The following RPF1 variants were observed in gnomAD, a reference collection of about 807,000 sequenced individuals.
RPF1 encodes the protein ribosome production factor 1 homolog, also known as ribosome production factor 1.
A neutral mutation model predicts 41.9 loss-of-function variants in RPF1; 34 were observed. That is an observed-to-expected ratio of 0.81 (90% confidence interval 0.62 to 1.08). The LOEUF (loss-of-function observed/expected upper bound fraction) is 1.08. Ranked by LOEUF, RPF1 falls within the 50% of genes least tolerant of loss-of-function variation. The probability of loss-of-function intolerance (pLI) is 0.00; values close to 1 mark genes in which losing one functional copy is unlikely to be tolerated. For synonymous variants in RPF1, 140 were observed against 148.9 expected, an observed-to-expected ratio of 0.94 and a Z score of 0.43; for missense variants, 425 against 435.2, an observed-to-expected ratio of 0.98 and a Z score of 0.21.
chr1:84,485,337 G>A (rs1444741036), intron 3 of RPF1, among the ~76,000 whole-genome samples: 5 of 152,146 alleles, frequency 3.3e-5, no homozygotes, highest in African/African-American at 7.2e-5. Flanking sequence ...GAGCTCAGGC[G>A]ATCCTCCCAC....
chr1:84,490,894 T>C (rs1681822643), intron 5 of RPF1, among the ~76,000 whole-genome samples: 1 of 152,032 alleles, frequency 6.6e-6, no homozygotes, highest in African/African-American at 2.4e-5. Context: ...TGGATCTAGA[T>C]GGATGAGGGT....
At position 84,479,441 on chromosome 1, in the gene RPF1, A is replaced by G. The variant is rs201526883; in HGVS notation, c.160A>G (p.Ile54Val). ...GGCTGCCTTTCCGCCAGGCTTTAGC[A>G]TTTCGGAGATTAAAAACAAACAGCG... ...KAAAFPPGFSISEIKNKQRRH... is the reference protein window; with the variant it reads ...KAAAFPPGFSVSEIKNKQRRH... Residue 54 changes from isoleucine to valine, a missense_variant, in exon 1 of 9, where the codon ATT becomes GTT. Physicochemically the swap from Ile to Val is conservative, Grantham distance 29. Coordinates refer to ENST00000370654, the MANE Select transcript of RPF1 (RefSeq NM_025065.7). 1.1e-4 allele frequency: 171 copies of G among 1,614,240 alleles called. No individual in the cohort carries two copies. Among genetic ancestry groups the G allele is most frequent in the Admixed American group, 3.8e-4 (23 of 60,036 alleles).
chr1:84,495,852 T>G (rs1681925539), intron 6 of RPF1, 30 bp from the exon 7 acceptor site: 8 of 1,413,926 alleles, frequency 5.7e-6, no homozygotes, highest in Non-Finnish European at 6.8e-6. Context: ...CTTAGCCCAT[T>G]GTGATATTTA....
Position 84,479,510 on chromosome 1 carries a change from G to A in RPF1, c.228+1G>A, listed in dbSNP as rs1681602342. 1 of 1,613,406 alleles carries A rather than the reference G, an allele frequency of 6.2e-7. No homozygotes were observed. ...GCGGTGGAAACAGCAGCAGCGGAAG[G>A]TACGCGAGAGGCGGGGGCTGCCGGG... is the stretch of plus-strand genomic sequence containing the variant. On this transcript the variant is annotated splice_donor_variant, in intron 1 of 8. Transcript: ENST00000370654. LOFTEE classifies it high-confidence loss of function.
Position 84,479,333 on chromosome 1 carries a change from C to T in RPF1, c.52C>T (p.Arg18Trp), listed in dbSNP as rs778753761. ...SSSSGKKSLK[R>W]KAAAEELQEA... ...CAGCAGCGGGAAGAAAAGTCTAAAA[C>T]GGAAAGCCGCTGCCGAAGAACTTCA... The change falls in exon 1 of 9, where the codon CGG becomes TGG. Residue 18 changes from arginine to tryptophan, a missense_variant. Arg to Trp is a moderately radical substitution (Grantham distance 101, BLOSUM62 -3). Transcript: ENST00000370654. 5.5e-5 allele frequency: 88 copies of T among 1,612,284 alleles called. No homozygotes were observed. The highest frequency in any genetic ancestry group is 7.0e-5 in the Non-Finnish European group (82 of 1,179,228).
intron 3 of RPF1, among the ~76,000 whole-genome samples, chr1:84,487,532 C>A (rs962300554): frequency 6.6e-6 from 1 of 152,098 alleles, no homozygotes; most frequent in African/African-American, 2.4e-5. Flanking sequence ...AGAAATCTTC[C>A]AATTCATGAA....
In RPF1 at chr1:84,496,229, T is replaced by C; in HGVS notation, c.882-15T>C. 1 of 1,606,562 alleles carries C rather than the reference T, an allele frequency of 6.2e-7. No homozygotes were observed. The highest frequency in any genetic ancestry group is 8.5e-7 in the Non-Finnish European group (1 of 1,176,496). On this transcript the variant is annotated splice_polypyrimidine_tract_variant and intron_variant, in intron 7 of 8. Transcript: ENST00000370654. ...TAGCTCATTCAGACTAATTTAACTC[T>C]TTTTGTCTTTGAAGATACATATTCA...
rs72948447 is a variant in RPF1, at chr1:84,495,436, G to A, written c.680G>A (p.Arg227His). The A allele has an allele frequency of 1.1e-3, 1,657 of 1,466,500 alleles. 19 individuals are homozygous for A. In the African/African-American group the frequency reaches 0.02, roughly 18 times the overall value. 90.8% of individuals were successfully genotyped at this position (1,466,500 alleles called of 1,614,324 possible). Reference protein sequence around the residue: ...PTAHFKMSSVRLRKEIKRRGK... With the variant: ...PTAHFKMSSVHLRKEIKRRGK... ...GCTCATTTTAAAATGAGCAGTGTTC[G>A]TCTTCGTAAAGAAATTAAGGTAAGT... Residue 227 changes from arginine to histidine, a missense_variant, in exon 6 of 9, where the codon CGT (arginine) becomes CAT (histidine). Arg to His is a conservative substitution (Grantham distance 29). Coordinates refer to ENST00000370654, the MANE Select transcript of RPF1 (RefSeq NM_025065.7).
At chr1:84,486,291 A>G (rs1681737367) in intron 3 of RPF1, among the ~76,000 whole-genome samples, 1 of 152,052 alleles carries the variant, frequency 6.6e-6, no homozygotes, top group Admixed American at 6.6e-5. Context: ...GTGGGTTAGA[A>G]TAGAAGAATG....
chr1:84,490,714 CAA>C (rs1219797325), intron 5 of RPF1, among the ~76,000 whole-genome samples: 2 of 152,046 alleles, frequency 1.3e-5, no homozygotes, highest in African/African-American at 4.8e-5. Context: ...AGAGCTAAAA[CAA>C]GAGACAACCA....
intron 3 of RPF1, among the ~76,000 whole-genome samples, chr1:84,487,101 TG>T (rs1681751432): frequency 6.6e-6 from 1 of 152,108 alleles, no homozygotes; most frequent in Non-Finnish European, 1.5e-5. Flanking sequence ...GAGATAAATT[TG>T]GGGGTAACAG....
In RPF1 at chr1:84,497,588, G is replaced by A. The variant is rs145048101; in HGVS notation, c.*118G>A. The A allele has an allele frequency of 6.0e-4, 380 of 632,144 alleles. 4 individuals are homozygous for A. The East Asian group carries it at 0.011, about 18-fold the overall frequency. The allele number at this position is 632,144 out of a possible 1,614,324, so 39.2% of individuals were successfully genotyped here. On this transcript the variant is annotated 3_prime_UTR_variant, in exon 9 of 9. Transcript: ENST00000370654. ...TTTGCTGATTTCATAAACCTTTCAC[G>A]TCTGGACGAATTACCAAATGCCATG...
intron 4 of RPF1, 68 bp from the exon 5 acceptor site, chr1:84,490,251 T>C: frequency 9.8e-7 from 1 of 1,022,120 alleles, no homozygotes; most frequent in South Asian, 2.0e-5. Context: ...TCCTTATGAA[T>C]ATGTACCACA....
intron 3 of RPF1, among the ~76,000 whole-genome samples, chr1:84,488,996 T>G (rs1681785123): frequency 6.6e-6 from 1 of 152,106 alleles, no homozygotes; most frequent in Non-Finnish European, 1.5e-5. Flanking sequence ...TCTATTCTCT[T>G]AGTCTTTTCT....
At position 84,483,003 on chromosome 1, in the gene RPF1, T is replaced by A. The variant is rs1329994495; in HGVS notation, c.366+8T>A. On this transcript the variant is annotated splice_region_variant and intron_variant, in intron 3 of 8. Coordinates refer to ENST00000370654, the MANE Select transcript of RPF1 (RefSeq NM_025065.7). ...GACCCTAATGATGAAGAGGTAATGT[T>A]AGAAGTCTTAAATTAGTTTGAATGA... 5 of 1,511,392 alleles carry A rather than the reference T, an allele frequency of 3.3e-6. No individual in the cohort carries two copies. In the Admixed American group the frequency reaches 8.4e-5, roughly 25 times the overall value. 93.6% of individuals were successfully genotyped at this position (1,511,392 alleles called of 1,614,324 possible).
chr1:84,490,333 C>G lies in RPF1; in HGVS notation c.477C>G (p.Leu159=). The G allele has an allele frequency of 6.3e-7, 1 of 1,590,794 alleles. No homozygotes were observed. Among genetic ancestry groups the G allele is most frequent in the African/African-American group, 1.4e-5 (1 of 73,378 alleles). Residue 159 remains leucine (L), a synonymous_variant, in exon 5 of 9, where the codon CTC becomes CTG. Coordinates refer to ENST00000370654, the MANE Select transcript of RPF1 (RefSeq NM_025065.7). ...TTGTTTTGCAGAGAACAGTACGACTCTGTGAACAGCTCTCCACAGTTATAC... is the reference window on the plus strand; with the variant it reads ...TTGTTTTGCAGAGAACAGTACGACTGTGTGAACAGCTCTCCACAGTTATAC... ...SDRPHGRTVR[L]CEQLSTVIPN...
chr1:84,487,421 C>G (rs1286098948), intron 3 of RPF1, among the ~76,000 whole-genome samples: 1 of 152,066 alleles, frequency 6.6e-6, no homozygotes, highest in Non-Finnish European at 1.5e-5. Flanking sequence ...TAGAGATAAG[C>G]CAGTTCATGT....
At chr1:84,481,421 T>A (rs996498603) in intron 2 of RPF1, among the ~76,000 whole-genome samples, 1 of 152,230 alleles carries the variant, frequency 6.6e-6, no homozygotes, top group African/African-American at 2.4e-5. Flanking sequence ...AGGTTAGGCC[T>A]GGAGCTTGGC....
At chr1:84,494,892 G>T (rs1681899677) in intron 5 of RPF1, among the ~76,000 whole-genome samples, 1 of 152,160 alleles carries the variant, frequency 6.6e-6, no homozygotes. Context: ...AAGTTTAGGA[G>T]TCTGGTCTCA....
Sources: gnomAD v4.1 joint callset for allele counts (sites outside exome capture counted in the v4.1 genomes callset) on GRCh38, gnomAD v4.1.1 for gene constraint, MANE v1.5 for transcripts, NCBI Gene and HGNC (gene_info 2026-07-23, HGNC 2026-07-21) for gene names.